The following COL11A1 variants were observed in gnomAD, a reference collection of about 807,000 sequenced individuals.
COL11A1 encodes collagen type XI alpha 1 chain.
Under a neutral mutation model 265.2 loss-of-function variants are expected in COL11A1, and 74 were observed. The ratio of observed to expected loss-of-function variants is 0.28; its 90% CI spans 0.23 to 0.34. COL11A1 has a LOEUF of 0.34. COL11A1 is among the 10% of genes least tolerant of loss of function. COL11A1 has a pLI of 1.00. For synonymous variants in COL11A1, 816 were observed against 727.6 expected (o/e 1.12, Z -1.96); for missense variants, 2,165 against 2,263.6 (o/e 0.96, Z 0.88).
At chr1:103,096,249 T>C (rs1673754329) in intron 1 of COL11A1, among the ~76,000 whole-genome samples, 1 of 152,028 alleles carries the variant, frequency 6.6e-6, no homozygotes, top group Admixed American at 6.6e-5. Flanking sequence ...GTAACTGCAA[T>C]TTTCCAGATA....
In COL11A1 at chr1:103,008,365, G is replaced by C. The variant is rs1571017993; in HGVS notation, c.1683+98C>G. On this transcript the variant is annotated intron_variant, in intron 15 of 66. Transcript: ENST00000370096. ...TCATACATCAATGGAATACTACTCA[G>C]GAACAAAAAAAAAATTAACTATTGA... 2.4e-5 allele frequency: 24 copies of C among 982,010 alleles called. 1 individual carries two copies. The East Asian group carries it at 6.1e-4, about 25-fold the overall frequency. The allele number at this position is 982,010 out of a possible 1,614,324, so 60.8% of individuals were successfully genotyped here. A position where few individuals can be genotyped will look rare whatever the true frequency, so the allele number is the denominator to read the frequency against.
At chr1:103,004,688 G>A (rs1172848173) in intron 18 of COL11A1, 27 bp from the exon 19 acceptor site, 1 of 1,584,672 alleles carries the variant, frequency 6.3e-7, no homozygotes. Flanking sequence ...AATAAGATTA[G>A]CATATGGAAA....
chr1:102,901,105 A>G (rs773440547), intron 54 of COL11A1, among the ~76,000 whole-genome samples: 40 of 152,082 alleles, frequency 2.6e-4, no homozygotes, highest in Non-Finnish European at 5.0e-4. Context: ...GGATCGCCTC[A>G]GGCCAGGAGT....
intron 10 of COL11A1, 49 bp downstream of exon 10, chr1:103,018,769 T>C (rs1444772933): frequency 2.9e-6 from 4 of 1,373,946 alleles, no homozygotes; most frequent in South Asian, 1.2e-5. Context: ...AGAAATCTTA[T>C]ATATGATTAC....
chr1:103,076,154 C>CAAAT (rs1294139396), intron 3 of COL11A1, among the ~76,000 whole-genome samples: 1 of 151,946 alleles, frequency 6.6e-6, no homozygotes, highest in Non-Finnish European at 1.5e-5. Flanking sequence ...TTCAAAATAC[C>CAAAT]AAATTAACAT....
chr1:103,038,847 A>G (rs1029496145), intron 4 of COL11A1, among the ~76,000 whole-genome samples: 2 of 152,212 alleles, frequency 1.3e-5, no homozygotes, highest in African/African-American at 4.8e-5. Flanking sequence ...TGGAACAGAC[A>G]GTACATATAT....
intron 2 of COL11A1, among the ~76,000 whole-genome samples, 181 bp from the exon 3 acceptor site, chr1:103,079,052 A>G (rs892534191): frequency 6.6e-6 from 1 of 152,118 alleles, no homozygotes; most frequent in Non-Finnish European, 1.5e-5. Flanking sequence ...ATTTTTATCC[A>G]AGCTATAGTC....
rs147247206 is a variant in COL11A1 at position 102,946,894 on chromosome 1, C to T, written c.3231G>A (p.Pro1077=). 279 of 1,613,596 alleles carry T rather than the reference C, an allele frequency of 1.7e-4. No homozygotes were observed. In the African/African-American group the frequency reaches 2.7e-3, roughly 16 times the overall value. The change falls in exon 42 of 67, where the codon CCG becomes CCA. Residue 1077 remains proline (P), a synonymous_variant. Coordinates refer to ENST00000370096, the MANE Select transcript of COL11A1 (RefSeq NM_001854.4). ...CTGGACCAGGAGGACCCTGAGGTCC[C>T]GGGCGCCCTGGTAAACCAATTGGGC... ...TAGPIGLPGR[P]GPQGPPGPAG...
At chr1:103,067,219 A>G (rs546857255) in intron 4 of COL11A1, among the ~76,000 whole-genome samples, 1 of 152,110 alleles carries the variant, frequency 6.6e-6, no homozygotes, top group South Asian at 2.1e-4. Flanking sequence ...TTATTACATT[A>G]ACTGAGATAG....
At chr1:102,898,287 T>C in intron 56 of COL11A1, 109 bp from the exon 57 acceptor site, 1 of 467,762 alleles carries the variant, frequency 2.1e-6, no homozygotes, top group Non-Finnish European at 3.2e-6. Flanking sequence ...AATATCACCC[T>C]TAAGTTCCAC....
At chr1:103,031,848 T>C (rs1000221128) in intron 4 of COL11A1, among the ~76,000 whole-genome samples, 11 of 148,542 alleles carry the variant, frequency 7.4e-5, no homozygotes, top group African/African-American at 2.8e-4. Context: ...TGCATTTATA[T>C]TAAGAAAAAA....
intron 42 of COL11A1, among the ~76,000 whole-genome samples, chr1:102,942,309 CT>C (rs1176707049): frequency 2.5e-4 from 38 of 152,216 alleles, no homozygotes; most frequent in Middle Eastern, 6.8e-3. Context: ...TCTCTTCTGC[CT>C]TCATTATAGT....
chr1:102,897,679 T>A (rs1016784495), intron 57 of COL11A1, among the ~76,000 whole-genome samples: 5 of 152,170 alleles, frequency 3.3e-5, no homozygotes, highest in African/African-American at 1.2e-4. Context: ...TAGCCATATC[T>A]TTTTTCACTG....
At chr1:103,076,086 G>A (rs1671951242) in intron 3 of COL11A1, among the ~76,000 whole-genome samples, 1 of 151,932 alleles carries the variant, frequency 6.6e-6, no homozygotes, top group Non-Finnish European at 1.5e-5. Context: ...TGATATTTTT[G>A]TTTAATTAAT....
At chr1:102,927,976 G>C (rs2101120832) in intron 46 of COL11A1, among the ~76,000 whole-genome samples, 1 of 152,222 alleles carries the variant, frequency 6.6e-6, no homozygotes, top group South Asian at 2.1e-4. Context: ...TCCGGGGAAA[G>C]GAAGCGAAAG....
chr1:102,906,016 T>C (rs1444418115), intron 54 of COL11A1, among the ~76,000 whole-genome samples: 4 of 152,176 alleles, frequency 2.6e-5, no homozygotes, highest in Non-Finnish European at 5.9e-5. Context: ...CCTTATTTTA[T>C]ATTTTATTTA....
intron 1 of COL11A1, among the ~76,000 whole-genome samples, chr1:103,093,760 C>T (rs565720399): frequency 2.0e-5 from 3 of 152,148 alleles, no homozygotes; most frequent in East Asian, 1.9e-4. Context: ...TTGGACAATG[C>T]CCCTGGCCAC....
At chr1:102,886,770 C>T (rs747554872) in intron 63 of COL11A1, 37 bp downstream of exon 63, 10 of 1,613,448 alleles carry the variant, frequency 6.2e-6, no homozygotes, top group Non-Finnish European at 8.5e-6. Context: ...AACTCAGGGG[C>T]TCGGTACATT....
chr1:103,004,600 T>C lies in COL11A1; in HGVS notation c.1899+8A>G, dbSNP rs372864068. 7.3e-5 allele frequency: 118 copies of C among 1,606,350 alleles called. 1 individual carries two copies. The South Asian group carries it at 1.1e-3, about 14-fold the overall frequency. Reference sequence around the variant, plus strand: ...AAATATTTCTTAAGAAAAGAAGTATTAACATACCCTCATTCCATCATCACC... The same window carrying C: ...AAATATTTCTTAAGAAAAGAAGTATCAACATACCCTCATTCCATCATCACC... On this transcript the variant is annotated splice_region_variant and intron_variant, in intron 19 of 66. Transcript: ENST00000370096.
Sources: gnomAD v4.1 joint callset for allele counts (sites outside exome capture counted in the v4.1 genomes callset) on GRCh38, gnomAD v4.1.1 for gene constraint, MANE v1.5 for transcripts, NCBI Gene and HGNC (gene_info 2026-07-23, HGNC 2026-07-21) for gene names.